The following NKAIN2 variants were observed in gnomAD, a reference collection of about 807,000 sequenced individuals.
NKAIN2 encodes the protein sodium/potassium transporting ATPase interacting 2, also known as sodium/potassium-transporting ATPase subunit beta-1-interacting protein 2.
NKAIN2 carries 14 observed loss-of-function variants against 32.6 expected under a neutral mutation model. That is an observed-to-expected ratio of 0.43 (90% confidence interval 0.28 to 0.67). The LOEUF is 0.67. NKAIN2 is among the 30% of genes least tolerant of loss of function. The pLI, the probability that NKAIN2 is intolerant of heterozygous loss-of-function variation, is 0.17. For missense variants in NKAIN2, 198 were observed against 258.3 expected, an observed-to-expected ratio of 0.77 and a Z score of 1.60; for synonymous variants, 80 against 87.2, an observed-to-expected ratio of 0.92 and a Z score of 0.46.
intron 1 of NKAIN2, among the ~76,000 whole-genome samples, chr6:124,218,785 A>G (rs187946405): frequency 3.9e-5 from 6 of 152,330 alleles, no homozygotes; most frequent in Non-Finnish European, 8.8e-5. Flanking sequence ...TTACTAGTAG[A>G]CCAAGTGTAA....
chr6:124,415,878 C>CTTTTTTTTTTTTTTTTTTTTTTTTTTTTA, intron 3 of NKAIN2, among the ~76,000 whole-genome samples: 1 of 72,590 alleles, frequency 1.4e-5, no homozygotes, highest in African/African-American at 5.0e-5. Flanking sequence ...TTTTTATTTG[C>CTTTTTTTTTTTTTTTTTTTTTTTTTTTTA]TTTTTTTTTT....
chr6:123,983,339 A>T (rs953946710), intron 1 of NKAIN2, among the ~76,000 whole-genome samples: 2 of 152,192 alleles, frequency 1.3e-5, no homozygotes, highest in African/African-American at 4.8e-5. Context: ...AGACTCGGTC[A>T]GATGGCCTTG....
At chr6:124,433,352 C>A (rs62436341) in intron 3 of NKAIN2, among the ~76,000 whole-genome samples, 6,983 of 152,240 alleles carry the variant, frequency 0.046, 278 homozygotes, top group Non-Finnish European at 0.066. Context: ...TTAGTTGAAT[C>A]TCATTGGTAT....
intron 1 of NKAIN2, among the ~76,000 whole-genome samples, chr6:124,252,383 G>A (rs1793726645): frequency 6.6e-6 from 1 of 151,972 alleles, no homozygotes; most frequent in African/African-American, 2.4e-5. Context: ...ACAGACATAG[G>A]TGCTAAAACT....
intron 1 of NKAIN2, among the ~76,000 whole-genome samples, chr6:123,955,590 T>C (rs376597550): frequency 2.2e-5 from 3 of 136,664 alleles, no homozygotes; most frequent in Non-Finnish European, 4.7e-5. Flanking sequence ...ATTTAAACAT[T>C]TTTTATTTTA....
intron 2 of NKAIN2, among the ~76,000 whole-genome samples, chr6:124,291,814 A>C (rs1795827350): frequency 6.6e-6 from 1 of 152,062 alleles, no homozygotes; most frequent in Non-Finnish European, 1.5e-5. Context: ...TTTATGGTAT[A>C]AAAACTCAAC....
intron 3 of NKAIN2, among the ~76,000 whole-genome samples, chr6:124,465,542 A>T (rs571490608): frequency 6.6e-6 from 1 of 151,416 alleles, no homozygotes; most frequent in African/African-American, 2.4e-5. Context: ...TGACAGGTTG[A>T]TGGGTGCAGC....
intron 1 of NKAIN2, among the ~76,000 whole-genome samples, chr6:124,168,961 G>A (rs760826853): frequency 4.6e-5 from 7 of 152,008 alleles, no homozygotes; most frequent in Admixed American, 6.6e-5. Flanking sequence ...AAATATTTGC[G>A]TATATTTTAG....
chr6:124,494,186 C>A (rs1232527327), intron 3 of NKAIN2, among the ~76,000 whole-genome samples: 1 of 152,046 alleles, frequency 6.6e-6, no homozygotes, highest in Non-Finnish European at 1.5e-5. Context: ...CAAGGCTAAT[C>A]TTCTTGAGAA....
intron 1 of NKAIN2, among the ~76,000 whole-genome samples, chr6:124,193,616 G>A (rs802286): frequency 0.56 from 85,466 of 151,934 alleles, 26,338 homozygotes; most frequent in Non-Finnish European, 0.69. Context: ...AGCAAGGGAC[G>A]TATTTCAGCC....
rs183548253 is a variant in NKAIN2, at chr6:124,466,676, A to G, written c.273+111329A>G. On this transcript the variant is annotated intron_variant, in intron 3 of 6. Coordinates refer to ENST00000368417, the MANE Select transcript of NKAIN2 (RefSeq NM_001040214.3). The stretch of plus-strand genomic sequence containing the variant: ...ATGTAAAAAAAGACTCTATCACTGC[A>G]GGCATCCTGTAACATTTCTCCAAGT... 1.2e-4 allele frequency among the ~76,000 whole-genome samples: 18 copies of G among 152,038 alleles called. No individual in the cohort carries two copies. In the East Asian group the frequency reaches 2.5e-3, roughly 21 times the overall value.
chr6:124,777,627 C>T (rs1050723737), intron 4 of NKAIN2, among the ~76,000 whole-genome samples: 7 of 152,002 alleles, frequency 4.6e-5, no homozygotes, highest in African/African-American at 1.7e-4. Context: ...AGTCTGCCTG[C>T]CTTTTAGGAA....
chr6:124,780,028 C>T (rs1779187074), intron 4 of NKAIN2, among the ~76,000 whole-genome samples: 2 of 152,146 alleles, frequency 1.3e-5, no homozygotes, highest in South Asian at 2.1e-4. Context: ...CTGTTAGATG[C>T]AGTAGCTTGG....
chr6:124,031,015 G>A (rs1194943576), intron 1 of NKAIN2, among the ~76,000 whole-genome samples: 1 of 152,074 alleles, frequency 6.6e-6, no homozygotes, highest in Non-Finnish European at 1.5e-5. Context: ...TCATTTTCAG[G>A]AAGAAAGCAA....
At chr6:123,988,455 T>C (rs1176593301) in intron 1 of NKAIN2, among the ~76,000 whole-genome samples, 2 of 152,144 alleles carry the variant, frequency 1.3e-5, no homozygotes, top group Non-Finnish European at 2.9e-5. Flanking sequence ...TCAGATACGG[T>C]GAGTGCAGTA....
At chr6:123,937,322 G>T (rs1203721617) in intron 1 of NKAIN2, among the ~76,000 whole-genome samples, 2 of 152,006 alleles carry the variant, frequency 1.3e-5, no homozygotes, top group Non-Finnish European at 2.9e-5. Context: ...AAAAGATTTT[G>T]ATTTGTTCAG....
intron 3 of NKAIN2, among the ~76,000 whole-genome samples, chr6:124,547,712 G>GA (rs1780145816): frequency 6.6e-6 from 1 of 152,164 alleles, no homozygotes; most frequent in Non-Finnish European, 1.5e-5. Context: ...ATGTGGGTCA[G>GA]AATTTTTCTT....
chr6:124,118,435 A>G (rs1264826002), intron 1 of NKAIN2, among the ~76,000 whole-genome samples: 1 of 152,166 alleles, frequency 6.6e-6, no homozygotes, highest in East Asian at 1.9e-4. Context: ...TGAAGAGAAA[A>G]CAAATGATTA....
chr6:124,588,914 G>T (rs1293041933), intron 3 of NKAIN2, among the ~76,000 whole-genome samples: 2 of 152,028 alleles, frequency 1.3e-5, no homozygotes, highest in Non-Finnish European at 2.9e-5. Flanking sequence ...ACCATTGGAG[G>T]AATCTATTTT....
Sources: gnomAD v4.1 joint callset for allele counts (sites outside exome capture counted in the v4.1 genomes callset) on GRCh38, gnomAD v4.1.1 for gene constraint, MANE v1.5 for transcripts, NCBI Gene and HGNC (gene_info 2026-07-23, HGNC 2026-07-21) for gene names.